MIPOL1: variants seen among roughly 807,000 people sequenced by gnomAD.
MIPOL1 encodes the protein mirror-image polydactyly gene 1 protein.
A neutral mutation model predicts 60.9 loss-of-function variants in MIPOL1; 57 were observed. The ratio of observed to expected loss-of-function variants is 0.94; its 90% CI spans 0.76 to 1.17. The LOEUF (loss-of-function observed/expected upper bound fraction) is 1.17. Ranked by LOEUF, MIPOL1 falls within the 50% of genes most tolerant of loss-of-function variation. MIPOL1 has a pLI of 0.00. For missense variants in MIPOL1, 551 were observed against 511.6 expected, an observed-to-expected ratio of 1.08 and a Z score of -0.74; for synonymous variants, 179 against 168.8, an observed-to-expected ratio of 1.06 and a Z score of -0.47.
At chr14:37,237,049 C>G (rs188758889) in intron 1 of MIPOL1, among the ~76,000 whole-genome samples, 1 of 151,944 alleles carries the variant, frequency 6.6e-6, no homozygotes, top group African/African-American at 2.4e-5. Flanking sequence ...TGTTAATTTC[C>G]CAGAAAGTCT....
At chr14:37,402,136 T>G (rs1214797435) in intron 10 of MIPOL1, among the ~76,000 whole-genome samples, 1 of 152,154 alleles carries the variant, frequency 6.6e-6, no homozygotes, top group Non-Finnish European at 1.5e-5. Flanking sequence ...TGGGTAAAGC[T>G]AAATATCTTT....
chr14:37,347,109 A>T (rs1358952158), intron 9 of MIPOL1, among the ~76,000 whole-genome samples: 1 of 152,200 alleles, frequency 6.6e-6, no homozygotes, highest in Non-Finnish European at 1.5e-5. Context: ...CGAAAAAGGA[A>T]TGTCTACTAA....
Position 37,308,528 on chromosome 14 carries a change from G to A in MIPOL1, c.828+9G>A, listed in dbSNP as rs747752237. Reference sequence around the variant, plus strand: ...ATGCTGCCTTGTCTAAGGTAACTCTGCATATATCTGTAAAAGCATATACTT... The same window carrying A: ...ATGCTGCCTTGTCTAAGGTAACTCTACATATATCTGTAAAAGCATATACTT... On this transcript the variant is annotated intron_variant, in intron 9 of 12. Coordinates refer to ENST00000684589, the MANE Select transcript of MIPOL1 (RefSeq NM_001388067.1). The A allele has an allele frequency of 2.0e-6, 3 of 1,534,412 alleles. No individual in the cohort carries two copies. Among genetic ancestry groups the A allele is most frequent in the East Asian group, 4.7e-5 (2 of 42,562 alleles).
intron 1 of MIPOL1, among the ~76,000 whole-genome samples, chr14:37,243,058 T>C (rs1972602953): frequency 6.6e-6 from 1 of 152,196 alleles, no homozygotes; most frequent in Non-Finnish European, 1.5e-5. Context: ...AGCATAAGTA[T>C]TTGTTCTTAC....
chr14:37,444,673 T>C lies in MIPOL1; in HGVS notation c.1031+21724T>C, dbSNP rs111851043. Among the ~76,000 whole-genome samples the C allele has an allele frequency of 3.1e-3, 470 of 152,222 alleles. 4 individuals are homozygous for C. Among genetic ancestry groups the C allele is most frequent in the Middle Eastern group, 0.031 (9 of 294 alleles). On this transcript the variant is annotated intron_variant, in intron 11 of 12. Transcript: ENST00000684589. Reference sequence around the variant, plus strand: ...ATATTGGTGAAAGAGTAAATGTATATATAGATCCGGAGGATAAGAGAATCC... The same window carrying C: ...ATATTGGTGAAAGAGTAAATGTATACATAGATCCGGAGGATAAGAGAATCC...
At chr14:37,382,349 A>G (rs1297040815) in intron 10 of MIPOL1, among the ~76,000 whole-genome samples, 2 of 152,054 alleles carry the variant, frequency 1.3e-5, no homozygotes, top group East Asian at 3.9e-4. Context: ...TTCTTAACTA[A>G]AAATATATTT....
chr14:37,230,935 T>C (rs1347049520), intron 1 of MIPOL1, among the ~76,000 whole-genome samples: 2 of 152,164 alleles, frequency 1.3e-5, no homozygotes, highest in Non-Finnish European at 2.9e-5. Context: ...AATATAATTT[T>C]ATTCCATATA....
intron 10 of MIPOL1, among the ~76,000 whole-genome samples, chr14:37,378,558 T>C (rs1306010587): frequency 6.6e-6 from 1 of 151,614 alleles, no homozygotes; most frequent in Non-Finnish European, 1.5e-5. Flanking sequence ...TATTTCTTTA[T>C]AGTGATGTAA....
intron 9 of MIPOL1, among the ~76,000 whole-genome samples, chr14:37,357,634 G>C (rs2091936287): frequency 6.6e-6 from 1 of 151,860 alleles, no homozygotes; most frequent in Non-Finnish European, 1.5e-5. Context: ...AGAGTTGTTT[G>C]AGCTCCTTAT....
intron 12 of MIPOL1, chr14:37,501,499 C>G (rs1008688085): frequency 5.9e-5 from 9 of 152,134 alleles, no homozygotes; most frequent in African/African-American, 2.2e-4. Flanking sequence ...GATGTGTTAT[C>G]AACCTTTTAT....
At chr14:37,252,883 A>G (rs776361926) in intron 3 of MIPOL1, among the ~76,000 whole-genome samples, 2 of 151,864 alleles carry the variant, frequency 1.3e-5, no homozygotes, top group Non-Finnish European at 2.9e-5. Context: ...TTTATAAACT[A>G]TTTTATGTTT....
At chr14:37,342,980 T>C (rs2153463741) in intron 9 of MIPOL1, among the ~76,000 whole-genome samples, 1 of 149,904 alleles carries the variant, frequency 6.7e-6, no homozygotes, top group South Asian at 2.1e-4. Flanking sequence ...ATTGTTTATA[T>C]GTAGTTAAAA....
intron 10 of MIPOL1, among the ~76,000 whole-genome samples, chr14:37,396,319 T>G (rs571268819): frequency 1.6e-4 from 25 of 152,300 alleles, no homozygotes; most frequent in Admixed American, 1.4e-3. Context: ...CCTTCTAGCT[T>G]GTAGGGTTTC....
chr14:37,456,590 A>C (rs1272081251), intron 11 of MIPOL1, among the ~76,000 whole-genome samples: 8 of 152,186 alleles, frequency 5.3e-5, no homozygotes, highest in African/African-American at 1.9e-4. Context: ...TTATAAGGGC[A>C]ATAAACATTA....
rs763012521 is a variant in MIPOL1 at position 37,369,549 on chromosome 14, G to T, written c.861G>T (p.Val287=). 1.2e-6 allele frequency: 2 copies of T among 1,613,392 alleles called. No individual in the cohort carries two copies. Among genetic ancestry groups the T allele is most frequent in the South Asian group, 2.2e-5 (2 of 91,046 alleles). The change falls in exon 10 of 13, where the codon GTG becomes GTT. Residue 287 remains valine, a synonymous_variant. Transcript: ENST00000684589. ...GGTTAGAGCAGGAGCTTCATCATGT[G>T]AAAGAGCAGAACCAGACTTCAGCAA... is the stretch of plus-strand genomic sequence containing the variant. The part of the protein sequence containing the change: ...CKRLEQELHH[V]KEQNQTSANN...
chr14:37,296,327 C>G (rs1475225310), intron 7 of MIPOL1, among the ~76,000 whole-genome samples: 3 of 151,932 alleles, frequency 2.0e-5, no homozygotes, highest in African/African-American at 7.3e-5. Context: ...AAATTTATAG[C>G]ACTAAATGCC....
chr14:37,493,277 G>A (rs1487781214), intron 11 of MIPOL1, among the ~76,000 whole-genome samples: 1 of 152,174 alleles, frequency 6.6e-6, no homozygotes, highest in African/African-American at 2.4e-5. Context: ...TCAATGAACA[G>A]GTAGGCAGAC....
intron 9 of MIPOL1, among the ~76,000 whole-genome samples, chr14:37,348,725 T>C (rs918101626): frequency 3.3e-5 from 5 of 151,748 alleles, no homozygotes; most frequent in African/African-American, 1.2e-4. Context: ...GTCTGAACCA[T>C]CTCATCTCTC....
chr14:37,344,212 TATAA>T (rs1363904769), intron 9 of MIPOL1, among the ~76,000 whole-genome samples: 1 of 152,116 alleles, frequency 6.6e-6, no homozygotes, highest in Non-Finnish European at 1.5e-5. Flanking sequence ...CTTTTGAATC[TATAA>T]ATAAGAATCA....
Sources: allele counts gnomAD v4.1 joint callset (sites outside exome capture counted in the v4.1 genomes callset), GRCh38; gene constraint gnomAD v4.1.1; transcripts MANE v1.5; gene names NCBI Gene and HGNC (gene_info 2026-07-23, HGNC 2026-07-21).